USP3: variants seen among roughly 807,000 people sequenced by gnomAD.
The protein encoded by USP3 is ubiquitin carboxyl-terminal hydrolase 3.
In USP3, 20 loss-of-function variants were observed where a neutral mutation model predicts 72.3. The observed-to-expected ratio is 0.28, with a 90% CI of 0.19 to 0.40. USP3 has a LOEUF of 0.40. Ranked by LOEUF, USP3 falls within the 10% of genes least tolerant of loss-of-function variation. The probability of loss-of-function intolerance (pLI) is 1.00; values close to 1 mark genes in which losing one functional copy is unlikely to be tolerated. For missense variants in USP3, 479 were observed against 633.9 expected (o/e 0.76, Z 2.62); for synonymous variants, 222 against 225.3 (o/e 0.99, Z 0.13).
chr15:63,588,805 A>G lies in USP3; in HGVS notation c.1319A>G (p.Tyr440Cys). Reference protein sequence around the residue: ...FPLRGLDMKCYLLEPENSGPE... With the variant: ...FPLRGLDMKCCLLEPENSGPE... ...CTGAGAGGCCTAGACATGAAATGCT[A>G]CTTACTAGAGGTAAGGTGGTTACCT... The change falls in exon 13 of 15, where the codon TAC becomes TGC. Residue 440 changes from tyrosine (Y) to cysteine (C), a missense_variant. By Grantham distance (194) the Tyr-to-Cys change is radical. Coordinates refer to ENST00000380324, the MANE Select transcript of USP3 (RefSeq NM_006537.4). This position sits in a 1 kb window ranked among gnomAD's most constrained non-coding sequence, Gnocchi z 4.6. 1 of 1,613,772 alleles carries G rather than the reference A, an allele frequency of 6.2e-7. No individual in the cohort carries two copies. Among genetic ancestry groups the G allele is most frequent in the Non-Finnish European group, 8.5e-7 (1 of 1,179,680 alleles).
chr15:63,563,125 G>A (rs970024437), intron 8 of USP3, 117 bp downstream of exon 8: 8 of 695,144 alleles, frequency 1.2e-5, no homozygotes, highest in Admixed American at 4.1e-5. Context: ...GACTGGTTTG[G>A]TGTTTTTTTC....
At chr15:63,563,715 TG>T (rs1332844454) in intron 8 of USP3, among the ~76,000 whole-genome samples, 2 of 152,212 alleles carry the variant, frequency 1.3e-5, no homozygotes, top group Non-Finnish European at 2.9e-5. Flanking sequence ...AAGCAAGTCA[TG>T]GTTCTTACTA....
intron 11 of USP3, chr15:63,587,988 T>G (rs935138104): frequency 4.5e-5 from 9 of 197,860 alleles, no homozygotes; most frequent in Non-Finnish European, 7.2e-5. Context: ...AAACTACAAT[T>G]GAAACTTTAA....
At chr15:63,543,520 A>G (rs947028959) in intron 3 of USP3, among the ~76,000 whole-genome samples, 5 of 152,222 alleles carry the variant, frequency 3.3e-5, no homozygotes, top group African/African-American at 9.6e-5. Flanking sequence ...ATTGTGTGCC[A>G]TGAGTTACAC....
At chr15:63,565,977 G>A (rs949244005) in intron 8 of USP3, among the ~76,000 whole-genome samples, 1 of 152,170 alleles carries the variant, frequency 6.6e-6, no homozygotes, top group Non-Finnish European at 1.5e-5. Flanking sequence ...CTGCTTTGCT[G>A]TCTCTGTATG....
At position 63,558,184 on chromosome 15, in the gene USP3, C is replaced by T. The variant is rs967867148; in HGVS notation, c.529C>T (p.Leu177Phe). The T allele has an allele frequency of 6.2e-7, 1 of 1,614,014 alleles. No individual in the cohort carries two copies. The change falls in exon 6 of 15, where the codon CTC (leucine) becomes TTC (phenylalanine). Residue 177 changes from leucine (L) to phenylalanine (F), a missense_variant. Coordinates refer to ENST00000380324, the MANE Select transcript of USP3 (RefSeq NM_006537.4). ...TTTCATGAATGCCATCCTTCAGTCA[C>T]TCAGGTAACGCTACAGTCAGAGCTT... ...TCFMNAILQS[L>F]SNIEQFCCYF...
intron 1 of USP3, among the ~76,000 whole-genome samples, chr15:63,507,968 A>G (rs2065735018): frequency 6.6e-6 from 1 of 152,214 alleles, no homozygotes; most frequent in Non-Finnish European, 1.5e-5. Flanking sequence ...AGTGGGAAGA[A>G]TGGCATTATT....
chr15:63,538,093 A>G (rs1485530842), intron 3 of USP3, among the ~76,000 whole-genome samples: 1 of 151,948 alleles, frequency 6.6e-6, no homozygotes, highest in African/African-American at 2.4e-5. Flanking sequence ...CAAAGTAGGT[A>G]TCTATTTTTG....
At position 63,504,760 on chromosome 15, in the gene USP3, C is replaced by T. The variant is rs201909480; in HGVS notation, c.21C>T (p.Ser7=). ...TGGCCATGGAGTGTCCACACCTGAG[C>T]TCCAGCGTCTGCATTGCTCCGGACT... MECPHL[S]SSVCIAPDSA... Residue 7 remains serine (S), a synonymous_variant, in exon 1 of 15, where the codon AGC becomes AGT. Coordinates refer to ENST00000380324, the MANE Select transcript of USP3 (RefSeq NM_006537.4). The T allele has an allele frequency of 3.9e-4, 624 of 1,611,360 alleles. No individual in the cohort carries two copies. Among genetic ancestry groups the T allele is most frequent in the Non-Finnish European group, 4.8e-4 (568 of 1,178,972 alleles).
At chr15:63,548,908 T>G (rs1277080583) in intron 3 of USP3, among the ~76,000 whole-genome samples, 4 of 152,356 alleles carry the variant, frequency 2.6e-5, no homozygotes, top group South Asian at 4.1e-4. Context: ...TATCTCTTTA[T>G]GCTAGTATTA....
rs980170477 is a variant in USP3, at chr15:63,592,962, A to C, written c.*2136A>C. 4 of 152,222 alleles carry C rather than the reference A, an allele frequency of 2.6e-5. No homozygotes were observed. Among genetic ancestry groups the C allele is most frequent in the African/African-American group, 9.7e-5 (4 of 41,448 alleles). 9.4% of individuals were successfully genotyped at this position (152,222 alleles called of 1,614,324 possible). On this transcript the variant is annotated 3_prime_UTR_variant, in exon 15 of 15. Coordinates refer to ENST00000380324, the MANE Select transcript of USP3 (RefSeq NM_006537.4). ...AATTATGTGTAAACTTATATCATCC[A>C]GTACAATGGCCCCTAGCCACATGTG... is the stretch of plus-strand genomic sequence containing the variant.
At chr15:63,551,395 T>G (rs1052651128) in intron 3 of USP3, 1 of 151,620 alleles carries the variant, frequency 6.6e-6, no homozygotes, top group Non-Finnish European at 1.5e-5. Context: ...CTAAAAAAAT[T>G]TAATTATAAA....
At chr15:63,565,091 T>A (rs906780350) in intron 8 of USP3, among the ~76,000 whole-genome samples, 1 of 152,210 alleles carries the variant, frequency 6.6e-6, no homozygotes, top group Admixed American at 6.5e-5. Context: ...TTTCCTTGAT[T>A]AACACATGAC....
At chr15:63,522,880 T>A (rs2065937401) in intron 1 of USP3, among the ~76,000 whole-genome samples, 1 of 152,208 alleles carries the variant, frequency 6.6e-6, no homozygotes, top group Non-Finnish European at 1.5e-5. Flanking sequence ...TTGATGAGAT[T>A]AGTGAACCAG....
At chr15:63,505,430 C>T (rs777031633) in intron 1 of USP3, among the ~76,000 whole-genome samples, 1 of 152,194 alleles carries the variant, frequency 6.6e-6, no homozygotes, top group Non-Finnish European at 1.5e-5. Flanking sequence ...AGGTCGGGGT[C>T]TTTCATCCGT....
At chr15:63,542,493 T>G (rs2152664401) in intron 3 of USP3, among the ~76,000 whole-genome samples, 1 of 152,070 alleles carries the variant, frequency 6.6e-6, no homozygotes, top group East Asian at 1.9e-4. Context: ...AACTATAACT[T>G]AAAGCAAATC....
At chr15:63,513,023 AC>A (rs1202893775) in intron 1 of USP3, among the ~76,000 whole-genome samples, 7 of 152,212 alleles carry the variant, frequency 4.6e-5, no homozygotes, top group African/African-American at 1.7e-4. Flanking sequence ...AGATATTGTA[AC>A]CAACTAGATT....
chr15:63,556,564 C>A, intron 4 of USP3, 103 bp from the exon 5 acceptor site: 1 of 816,742 alleles, frequency 1.2e-6, no homozygotes, highest in Non-Finnish European at 1.9e-6. Context: ...TCAGGGAGGT[C>A]TCCATGCCCT....
In USP3 at chr15:63,528,366, T is replaced by C. The variant is rs566863394; in HGVS notation, c.92-4281T>C. Among the ~76,000 whole-genome samples the C allele has an allele frequency of 4.6e-5, 7 of 152,322 alleles. No individual in the cohort carries two copies. Among genetic ancestry groups the C allele is most frequent in the Non-Finnish European group, 1.0e-4 (7 of 68,026 alleles). ...TTTTCCCTGACATCACCTTGAAGTGTAATTGGATGTATTAAAGAGCCCTTA... is the reference window on the plus strand; with the variant it reads ...TTTTCCCTGACATCACCTTGAAGTGCAATTGGATGTATTAAAGAGCCCTTA... On this transcript the variant is annotated intron_variant, in intron 1 of 14. Transcript: ENST00000380324. The surrounding 1 kb of genome is among the most constrained non-coding windows in gnomAD (Gnocchi z 4.3).
Sources: allele counts gnomAD v4.1 joint callset (sites outside exome capture counted in the v4.1 genomes callset), GRCh38; gene constraint gnomAD v4.1.1; non-coding constraint Gnocchi (gnomAD v3.1); transcripts MANE v1.5; gene names NCBI Gene and HGNC (gene_info 2026-07-23, HGNC 2026-07-21).